LINGO2: variants seen among roughly 807,000 people sequenced by gnomAD.
LINGO2 encodes leucine rich repeat and Ig domain containing 2.
Under a neutral mutation model 30.6 loss-of-function variants are expected in LINGO2, and 14 were observed. The ratio of observed to expected loss-of-function variants is 0.46; its 90% CI spans 0.30 to 0.72. LINGO2 has a LOEUF of 0.72. LINGO2 is among the 30% of genes least tolerant of loss of function. LINGO2 has a pLI of 0.07. For synonymous variants in LINGO2, 317 were observed against 288.5 expected (o/e 1.10, Z -1.00); for missense variants, 729 against 751.7 (o/e 0.97, Z 0.35).
At chr9:29,128,424 G>A in the LINGO2 span, among the ~76,000 whole-genome samples, 1 of 152,098 alleles carries the variant, frequency 6.6e-6, no homozygotes, top group Non-Finnish European at 1.5e-5. Flanking sequence ...ATAACCTAAG[G>A]AGGAAACACT....
At chr9:28,391,829 C>T (rs1720259885) in intron 2 of LINGO2, among the ~76,000 whole-genome samples, 1 of 152,102 alleles carries the variant, frequency 6.6e-6, no homozygotes, top group African/African-American at 2.4e-5. Context: ...GGCACGTGGG[C>T]TACATTGTAC....
the LINGO2 span, among the ~76,000 whole-genome samples, chr9:28,780,830 A>ATGTGTGTG: frequency 0.013 from 1,677 of 127,432 alleles, 27 homozygotes; most frequent in African/African-American, 0.037. Flanking sequence ...CTTGGTAGTA[A>ATGTGTGTG]TGTGTGTGTG....
At chr9:28,994,687 C>A in the LINGO2 span, among the ~76,000 whole-genome samples, 1 of 151,860 alleles carries the variant, frequency 6.6e-6, no homozygotes, top group African/African-American at 2.4e-5. Flanking sequence ...ATCAATGCAA[C>A]AGAACAGAGC....
the LINGO2 span, among the ~76,000 whole-genome samples, chr9:29,047,101 A>G: frequency 8.8e-5 from 12 of 136,642 alleles, no homozygotes; most frequent in Admixed American, 4.5e-4. Context: ...TCAACAGAGT[A>G]AACAGACACC....
At chr9:28,056,061 C>A (rs1406451282) in intron 4 of LINGO2, among the ~76,000 whole-genome samples, 1 of 152,062 alleles carries the variant, frequency 6.6e-6, no homozygotes, top group African/African-American at 2.4e-5. Context: ...AGGAAAGATC[C>A]AGAGAAAAAA....
the LINGO2 span, among the ~76,000 whole-genome samples, chr9:28,820,465 T>G: frequency 6.6e-6 from 1 of 152,316 alleles, no homozygotes; most frequent in African/African-American, 2.4e-5. Context: ...CAACATGTCA[T>G]GTAATCCCAT....
chr9:28,200,678 T>C (rs1054654269), intron 4 of LINGO2, among the ~76,000 whole-genome samples: 6 of 152,170 alleles, frequency 3.9e-5, no homozygotes, highest in African/African-American at 1.4e-4. Flanking sequence ...AATATTTTAA[T>C]TGTAATAGGG....
the LINGO2 span, among the ~76,000 whole-genome samples, chr9:28,682,767 T>C: frequency 1.2e-4 from 19 of 152,214 alleles, no homozygotes; most frequent in Non-Finnish European, 2.9e-5. Flanking sequence ...TGCTTTTAGA[T>C]TATTTTGAAT....
the LINGO2 span, among the ~76,000 whole-genome samples, chr9:29,093,826 A>T: frequency 7.2e-6 from 1 of 137,994 alleles, no homozygotes; most frequent in African/African-American, 2.7e-5. Flanking sequence ...TGGAAATTGA[A>T]CTTTAGTTCT....
the LINGO2 span, among the ~76,000 whole-genome samples, chr9:28,978,362 T>C: frequency 6.6e-6 from 1 of 152,124 alleles, no homozygotes; most frequent in Admixed American, 6.6e-5. Flanking sequence ...AGTATATTCA[T>C]GCAGCACAAT....
At chr9:29,133,041 A>G in the LINGO2 span, among the ~76,000 whole-genome samples, 4 of 152,074 alleles carry the variant, frequency 2.6e-5, no homozygotes, top group Admixed American at 1.3e-4. Context: ...TTATTTAACA[A>G]ATTGACTATG....
chr9:28,003,611 G>A (rs1392562790), intron 5 of LINGO2, among the ~76,000 whole-genome samples: 2 of 152,080 alleles, frequency 1.3e-5, no homozygotes, highest in South Asian at 4.1e-4. Flanking sequence ...ACAGGCGCCT[G>A]CCACCACACC....
At chr9:28,037,963 A>C (rs1824016526) in intron 4 of LINGO2, among the ~76,000 whole-genome samples, 4 of 152,214 alleles carry the variant, frequency 2.6e-5, no homozygotes, top group Non-Finnish European at 5.9e-5. Context: ...GCTGAGGCAT[A>C]AAGAGGTTAA....
the LINGO2 span, among the ~76,000 whole-genome samples, chr9:29,181,275 A>G: frequency 0.17 from 25,690 of 152,172 alleles, 2,307 homozygotes; most frequent in East Asian, 0.38. Flanking sequence ...TGGAGTTACT[A>G]TGAAAATCAC....
At chr9:28,983,289 G>A in the LINGO2 span, among the ~76,000 whole-genome samples, 3 of 146,172 alleles carry the variant, frequency 2.1e-5, no homozygotes, top group Admixed American at 7.0e-5. Context: ...CATAAAATGT[G>A]TGGTGACCCA....
At chr9:28,817,247 A>G in the LINGO2 span, among the ~76,000 whole-genome samples, 4 of 146,714 alleles carry the variant, frequency 2.7e-5, no homozygotes, top group African/African-American at 7.3e-5. Context: ...TAAAAAAAAA[A>G]GGGGGATAGG....
intron 4 of LINGO2, among the ~76,000 whole-genome samples, chr9:28,085,060 C>T (rs538215472): frequency 7.2e-5 from 11 of 152,160 alleles, no homozygotes; most frequent in African/African-American, 2.6e-4. Flanking sequence ...ATTATTGACC[C>T]AGTATTACAG....
intron 1 of LINGO2, among the ~76,000 whole-genome samples, chr9:28,544,505 G>A (rs1821845264): frequency 6.6e-6 from 1 of 151,994 alleles, no homozygotes; most frequent in Admixed American, 6.6e-5. Context: ...CATGACTTCT[G>A]TTGATCAATG....
At chr9:27,976,220 C>A (rs987249969) in intron 5 of LINGO2, among the ~76,000 whole-genome samples, 2 of 152,102 alleles carry the variant, frequency 1.3e-5, no homozygotes, top group Non-Finnish European at 2.9e-5. Context: ...CATGATTCTG[C>A]TTTTATGGCC....
Sources: allele counts gnomAD v4.1 joint callset (sites outside exome capture counted in the v4.1 genomes callset), GRCh38; gene constraint gnomAD v4.1.1; transcripts MANE v1.5; gene names NCBI Gene and HGNC (gene_info 2026-07-23, HGNC 2026-07-21).